The following DNHD1 variants were observed in gnomAD, a reference collection of about 807,000 sequenced individuals.
DNHD1 encodes the protein dynein heavy chain domain 1.
Under a neutral mutation model 458.1 loss-of-function variants are expected in DNHD1, and 383 were observed. That is an observed-to-expected ratio of 0.84 (90% CI 0.77 to 0.91). The LOEUF (loss-of-function observed/expected upper bound fraction) is 0.91, where lower values mean the gene tolerates loss of function less well. Ranked by LOEUF, DNHD1 falls within the 40% of genes least tolerant of loss-of-function variation. The pLI is 0.00. For synonymous variants in DNHD1, 2,203 were observed against 2,376.9 expected, an observed-to-expected ratio of 0.93 and a Z score of 2.13; for missense variants, 5,336 against 5,866.1, an observed-to-expected ratio of 0.91 and a Z score of 2.95.
At position 6,557,587 on chromosome 11, in the gene DNHD1, A is replaced by G; in HGVS notation, c.8292A>G (p.Ile2764Met). ...TAAGCAGGGGGATGAAGGAAAGCATAAGTCACAAGATAAGGCAAGAGAAAG... is the reference window on the plus strand; with the variant it reads ...TAAGCAGGGGGATGAAGGAAAGCATGAGTCACAAGATAAGGCAAGAGAAAG... ...GPVSRGMKESISHKIRQEKGT... is the reference protein window; with the variant it reads ...GPVSRGMKESMSHKIRQEKGT... The change falls in exon 25 of 43, where the codon ATA becomes ATG. Residue 2764 changes from isoleucine to methionine, a missense_variant. Physicochemically the swap from Ile to Met is conservative, Grantham distance 10. Around this residue, in one of 4 missense-constraint regions of DNHD1, gnomAD observed 3,932 missense variants for 4,365.6 expected, o/e 0.90. Coordinates refer to ENST00000254579, the MANE Select transcript of DNHD1 (RefSeq NM_144666.3). 1.3e-6 allele frequency: 2 copies of G among 1,551,802 alleles called. No individual in the cohort carries two copies. Among genetic ancestry groups the G allele is most frequent in the South Asian group, 2.4e-5 (2 of 84,064 alleles).
chr11:6,557,723 C>T lies in DNHD1; in HGVS notation c.8428C>T (p.Leu2810=). 6.4e-7 allele frequency: 1 copy of T among 1,551,748 alleles called. No individual in the cohort carries two copies. The highest frequency in any genetic ancestry group is 1.2e-5 in the South Asian group (1 of 84,066). ...ISPLLLPVLL[L]HPQEKPSDLV... ...ACCCTTGTTGTTACCAGTGTTACTA[C>T]TACATCCCCAGGAAAAGCCCTCAGA... Residue 2810 remains leucine, a synonymous_variant, in exon 25 of 43, where the codon CTA becomes TTA. Coordinates refer to ENST00000254579, the MANE Select transcript of DNHD1 (RefSeq NM_144666.3).
rs755680897 is a variant in DNHD1, at chr11:6,547,110, G to C, written c.6171G>C (p.Lys2057Asn). The change falls in exon 21 of 43, where the codon AAG becomes AAC. Residue 2057 changes from lysine to asparagine, a missense_variant. Lys to Asn is a moderately conservative substitution (Grantham distance 94, BLOSUM62 0). Coordinates refer to ENST00000254579, the MANE Select transcript of DNHD1 (RefSeq NM_144666.3). ...GSCWHHGIFP[K>N]VLRAAGQCNN... ...GCTGGCATCATGGCATCTTTCCCAA[G>C]GTACTTCGTGCAGCCGGTCAGTGTA... is the stretch of plus-strand genomic sequence containing the variant. The C allele has an allele frequency of 2.7e-5, 42 of 1,551,740 alleles. No individual in the cohort carries two copies. The South Asian group carries it at 4.0e-4, about 15-fold the overall frequency.
Position 6,528,517 on chromosome 11 carries a change from A to T in DNHD1, c.1838-5A>T, listed in dbSNP as rs1481773429. On this transcript the variant is annotated splice_polypyrimidine_tract_variant and splice_region_variant and intron_variant, in intron 10 of 42. Transcript: ENST00000254579. ...CACGGACAATTATGGCCTGTGCTCC[A>T]CTAGAAGAAGATGAAGAGGAGGACT... The T allele has an allele frequency of 6.5e-7, 1 of 1,548,230 alleles. No homozygotes were observed. The highest frequency in any genetic ancestry group is 2.4e-5 in the East Asian group (1 of 40,830).
At position 6,545,615 on chromosome 11, in the gene DNHD1, G is replaced by C; in HGVS notation, c.4676G>C (p.Gly1559Ala). ...CGGGCCCAGAGGGCTTCCCAAGGTG[G>C]GCAGTCCCTGCCTTCTGTCCGCCAG... ...FMRAQRASQG[G>A]QSLPSVRQTS... Residue 1559 changes from glycine to alanine, a missense_variant, in exon 21 of 43, where the codon GGG (glycine) becomes GCG (alanine). This residue lies in a region of DNHD1 where 3,932 missense variants were observed against 4,365.6 expected (regional missense o/e 0.90). Transcript: ENST00000254579. The surrounding 1 kb of genome is among the most constrained non-coding windows in gnomAD (Gnocchi z 4.9). 1 of 1,551,844 alleles carries C rather than the reference G, an allele frequency of 6.4e-7. No individual in the cohort carries two copies. The highest frequency in any genetic ancestry group is 8.7e-7 in the Non-Finnish European group (1 of 1,147,012).
In DNHD1 at chr11:6,533,075, A is replaced by G; in HGVS notation, c.2396A>G (p.Asn799Ser). The G allele has an allele frequency of 2.6e-6, 4 of 1,551,666 alleles. No individual in the cohort carries two copies. Among genetic ancestry groups the G allele is most frequent in the Non-Finnish European group, 3.5e-6 (4 of 1,146,986 alleles). Residue 799 changes from asparagine (N) to serine (S), a missense_variant, in exon 13 of 43, where the codon AAT (asparagine) becomes AGT (serine). Transcript: ENST00000254579. Reference sequence around the variant, plus strand: ...AAGGACATTCTTGCACACGTGCAAAATGAGTGCTGGAACCTCAGTCAACAA... The same window carrying G: ...AAGGACATTCTTGCACACGTGCAAAGTGAGTGCTGGAACCTCAGTCAACAA... Reference protein sequence around the residue: ...IRKDILAHVQNECWNLSQQLM... With the variant: ...IRKDILAHVQSECWNLSQQLM...
At position 6,533,026 on chromosome 11, in the gene DNHD1, G is replaced by A. The variant is rs1449029889; in HGVS notation, c.2348-1G>A. On this transcript the variant is annotated splice_acceptor_variant, in intron 12 of 42. Transcript: ENST00000254579. LOFTEE classifies it high-confidence loss of function. The stretch of plus-strand genomic sequence containing the variant: ...CTCACACCTTACTCTCCTGTCTCCA[G>A]AATCCAAGCTGAACAGCATAAGGAA... 3.9e-6 allele frequency: 6 copies of A among 1,551,426 alleles called. No homozygotes were observed. Among genetic ancestry groups the A allele is most frequent in the Non-Finnish European group, 5.2e-6 (6 of 1,146,922 alleles).
At position 6,533,023 on chromosome 11, in the gene DNHD1, C is replaced by G. The variant is rs775962525; in HGVS notation, c.2348-4C>G. ...CCCCTCACACCTTACTCTCCTGTCT[C>G]CAGAATCCAAGCTGAACAGCATAAG... On this transcript the variant is annotated splice_region_variant and splice_polypyrimidine_tract_variant and intron_variant, in intron 12 of 42. Coordinates refer to ENST00000254579, the MANE Select transcript of DNHD1 (RefSeq NM_144666.3). 3.2e-6 allele frequency: 5 copies of G among 1,551,326 alleles called. No individual in the cohort carries two copies. Among genetic ancestry groups the G allele is most frequent in the South Asian group, 2.4e-5 (2 of 84,040 alleles).
At position 6,498,792 on chromosome 11, in the gene DNHD1, C is replaced by G; in HGVS notation, c.577C>G (p.Leu193Val). ...TWLRPLTLPE[L>V]QRCLGIVGAQ... ...GCTGCGACCATTGACACTGCCTGAG[C>G]TACAGCGCTGCCTGGGCATTGTTGG... Residue 193 changes from leucine to valine, a missense_variant, in exon 3 of 43, where the codon CTA becomes GTA. By Grantham distance (32) the Leu-to-Val change is conservative. This residue lies in a region of DNHD1 where 3,932 missense variants were observed against 4,365.6 expected (regional missense o/e 0.90). Coordinates refer to ENST00000254579, the MANE Select transcript of DNHD1 (RefSeq NM_144666.3). 6.2e-7 allele frequency: 1 copy of G among 1,614,230 alleles called. No homozygotes were observed. Among genetic ancestry groups the G allele is most frequent in the Non-Finnish European group, 8.5e-7 (1 of 1,180,022 alleles).
chr11:6,509,275 G>A lies in DNHD1; in HGVS notation c.1235+3G>A. 1 of 1,608,198 alleles carries A rather than the reference G, an allele frequency of 6.2e-7. No individual in the cohort carries two copies. The highest frequency in any genetic ancestry group is 8.5e-7 in the Non-Finnish European group (1 of 1,178,028). ...GCTGGGCTACTCCATATTAGCAGGT[G>A]AGGTATTAAAAACACAACTTCATTG... On this transcript the variant is annotated splice_donor_region_variant and intron_variant, in intron 6 of 42. Transcript: ENST00000254579.
chr11:6,541,839 A>C (rs999596183), intron 18 of DNHD1, among the ~76,000 whole-genome samples: 2 of 152,194 alleles, frequency 1.3e-5, no homozygotes, highest in Non-Finnish European at 2.9e-5. Flanking sequence ...CAAGTGAAAA[A>C]TAATAGTGGT....
Position 6,557,612 on chromosome 11 carries a change from G to A in DNHD1, c.8317G>A (p.Gly2773Ser), listed in dbSNP as rs1246123781. The A allele has an allele frequency of 7.1e-6, 11 of 1,551,658 alleles. No individual in the cohort carries two copies. The highest frequency in any genetic ancestry group is 1.7e-4 in the Middle Eastern group (1 of 6,014). The change falls in exon 25 of 43, where the codon GGC becomes AGC. Residue 2773 changes from glycine to serine, a missense_variant. Coordinates refer to ENST00000254579, the MANE Select transcript of DNHD1 (RefSeq NM_144666.3). The part of the protein sequence containing the change: ...SISHKIRQEK[G>S]TRASNYRLQV... ...AAGTCACAAGATAAGGCAAGAGAAA[G>A]GCACAAGGGCATCCAACTATAGGCT...
At chr11:6,537,917 C>G (rs1852994281) in intron 14 of DNHD1, among the ~76,000 whole-genome samples, 1 of 151,828 alleles carries the variant, frequency 6.6e-6, no homozygotes, top group Non-Finnish European at 1.5e-5. Flanking sequence ...GGTAACAGTG[C>G]AAGACTCTGT....
chr11:6,548,351 C>A lies in DNHD1; in HGVS notation c.7047C>A (p.Tyr2349Ter). ...CACTGGTCCCCTTCACTGGCCAATA[C>A]CTGAGCAGCCACATCAAAGGAACTT... Reference protein sequence around the residue: ...DGTLVPFTGQYLSSHIKGTLG... With the variant: ...DGTLVPFTGQ The change falls in exon 23 of 43, where the codon TAC (tyrosine) becomes TAA (stop). Residue 2349 changes from tyrosine to a stop codon, truncating the protein, a stop_gained. Transcript: ENST00000254579. LOFTEE classifies it high-confidence loss of function. This position sits in a 1 kb window ranked among gnomAD's most constrained non-coding sequence, Gnocchi z 4.4. The A allele has an allele frequency of 2.6e-6, 4 of 1,551,698 alleles. No individual in the cohort carries two copies. Among genetic ancestry groups the A allele is most frequent in the Non-Finnish European group, 3.5e-6 (4 of 1,146,988 alleles).
Position 6,546,928 on chromosome 11 carries a change from G to A in DNHD1, c.5989G>A (p.Gly1997Ser), listed in dbSNP as rs779267836. 1.7e-4 allele frequency: 262 copies of A among 1,551,492 alleles called. No individual in the cohort carries two copies. Among genetic ancestry groups the A allele is most frequent in the South Asian group, 5.9e-4 (50 of 84,048 alleles). The change falls in exon 21 of 43, where the codon GGC becomes AGC. Residue 1997 changes from glycine to serine, a missense_variant. By Grantham distance (56) the Gly-to-Ser change is moderately conservative (BLOSUM62 0). Coordinates refer to ENST00000254579, the MANE Select transcript of DNHD1 (RefSeq NM_144666.3). ...TCTGCTCCTGGGCCCTGCGGGCAGC[G>A]GCAAGACCACTTGTTGGCACAGCTT... is the stretch of plus-strand genomic sequence containing the variant. ...GILLLGPAGS[G>S]KTTCWHSLFK...
chr11:6,560,745 A>G (rs1191742217), intron 28 of DNHD1, among the ~76,000 whole-genome samples: 2 of 152,168 alleles, frequency 1.3e-5, no homozygotes, highest in African/African-American at 4.8e-5. Context: ...CCCCACCCCA[A>G]GAAAAGGCAT....
At chr11:6,533,643 G>T (rs943423875) in intron 13 of DNHD1, 38 bp from the exon 14 acceptor site, 4 of 1,517,608 alleles carry the variant, frequency 2.6e-6, no homozygotes, top group Middle Eastern at 1.7e-4. Context: ...GGTACATGGG[G>T]TTGTGGGGCT....
chr11:6,526,734 T>A (rs1852718294), intron 10 of DNHD1, among the ~76,000 whole-genome samples: 1 of 152,230 alleles, frequency 6.6e-6, no homozygotes, highest in Non-Finnish European at 1.5e-5. Flanking sequence ...TGACGAGCTC[T>A]GTCCCAAAAG....
At position 6,548,056 on chromosome 11, in the gene DNHD1, G is replaced by T; in HGVS notation, c.6905+16G>T. The T allele has an allele frequency of 6.4e-7, 1 of 1,551,684 alleles. No homozygotes were observed. Among genetic ancestry groups the T allele is most frequent in the Non-Finnish European group, 8.7e-7 (1 of 1,146,974 alleles). ...TTCCCTCCAGGTACCTACCAGGATGGGGGATGGGAGATGCAGAGGGCTGAG... is the reference window on the plus strand; with the variant it reads ...TTCCCTCCAGGTACCTACCAGGATGTGGGATGGGAGATGCAGAGGGCTGAG... On this transcript the variant is annotated intron_variant, in intron 22 of 42. Transcript: ENST00000254579. The surrounding 1 kb of genome is among the most constrained non-coding windows in gnomAD (Gnocchi z 4.4).
rs770858075 is a variant in DNHD1 at position 6,567,844 on chromosome 11, CT to C, written c.12336del (p.Ala4113ProfsTer12). On this transcript the variant is annotated frameshift_variant, in exon 36 of 43. Transcript: ENST00000254579. LOFTEE classifies it high-confidence loss of function. ...LHPLTVIQKL[A>X]AKYQQGQKQL... ...CCTCTGACTGTCATCCAGAAACTGG[CT>C]GCCAAGTATCAGCAGGTTTGAACCT... The C allele has an allele frequency of 5.0e-6, 8 of 1,611,832 alleles. No homozygotes were observed. The Admixed American group carries it at 1.3e-4, about 27-fold the overall frequency.
Sources: allele counts gnomAD v4.1 joint callset (sites outside exome capture counted in the v4.1 genomes callset), GRCh38; gene constraint gnomAD v4.1.1; regional missense constraint gnomAD v4.1.1; non-coding constraint Gnocchi (gnomAD v3.1); transcripts MANE v1.5; gene names NCBI Gene and HGNC (gene_info 2026-07-23, HGNC 2026-07-21).